The following SORT1 variants were observed in gnomAD, a reference collection of about 807,000 sequenced individuals.
The protein encoded by SORT1 is sortilin 1.
SORT1 carries 39 observed loss-of-function variants against 101.7 expected under a neutral mutation model. The observed-to-expected ratio is 0.38, with a 90% CI of 0.30 to 0.50. SORT1 has a LOEUF of 0.50. SORT1 is among the 20% of genes least tolerant of loss of function. The pLI is 0.90. For synonymous variants in SORT1, 396 were observed against 393.7 expected (o/e 1.01, Z -0.07); for missense variants, 878 against 1,040.4 (o/e 0.84, Z 2.15).
chr1:109,393,086 A>C (rs1653006594), intron 1 of SORT1: 2 of 985,296 alleles, frequency 2.0e-6, no homozygotes, highest in African/African-American at 3.5e-5. Context: ...CGAGGTCTTC[A>C]GCGGCAGCTC....
At chr1:109,363,567 AC>A (rs1317281347) in intron 3 of SORT1, among the ~76,000 whole-genome samples, 1 of 152,182 alleles carries the variant, frequency 6.6e-6, no homozygotes, top group Non-Finnish European at 1.5e-5. Flanking sequence ...TGGCCTAAAG[AC>A]AGAAGTATAC....
At chr1:109,371,282 G>A (rs1651468565) in intron 1 of SORT1, among the ~76,000 whole-genome samples, 1 of 152,184 alleles carries the variant, frequency 6.6e-6, no homozygotes, top group South Asian at 2.1e-4. Flanking sequence ...AACTGACATA[G>A]CAGTGTGTCT....
intron 13 of SORT1, among the ~76,000 whole-genome samples, chr1:109,326,051 CTTCT>C (rs1647992634): frequency 6.8e-6 from 1 of 147,720 alleles, no homozygotes; most frequent in African/African-American, 2.5e-5. Context: ...AGAACTTATA[CTTCT>C]TTTTTTTTTT....
chr1:109,395,952 C>A (rs757136392), intron 1 of SORT1, among the ~76,000 whole-genome samples: 36 of 152,120 alleles, frequency 2.4e-4, no homozygotes, highest in Non-Finnish European at 5.0e-4. Flanking sequence ...TAGCTGGGTG[C>A]ATGTACCAGT....
chr1:109,363,738 C>A (rs377511132), intron 3 of SORT1, among the ~76,000 whole-genome samples: 1 of 152,040 alleles, frequency 6.6e-6, no homozygotes, highest in African/African-American at 2.4e-5. Context: ...GATGGTCTAA[C>A]GAATAATATA....
At position 109,312,332 on chromosome 1, in the gene SORT1, C is replaced by T. The variant is rs1278764595; in HGVS notation, c.*1711G>A. 1 of 152,434 alleles carries T rather than the reference C, an allele frequency of 6.6e-6. No homozygotes were observed. Among genetic ancestry groups the T allele is most frequent in the Admixed American group, 6.6e-5 (1 of 15,254 alleles). The allele number at this position is 152,434 out of a possible 1,614,324, so 9.4% of individuals were successfully genotyped here. ...AACCATATTATCTTCACAAAAACTG[C>T]CTCAACTTTATTTTCTAACTGAAGC... is the stretch of plus-strand genomic sequence containing the variant. On this transcript the variant is annotated 3_prime_UTR_variant, in exon 20 of 20. Coordinates refer to ENST00000256637, the MANE Select transcript of SORT1 (RefSeq NM_002959.7).
At chr1:109,323,472 G>A (rs558999766) in intron 14 of SORT1, among the ~76,000 whole-genome samples, 1 of 152,360 alleles carries the variant, frequency 6.6e-6, no homozygotes, top group Admixed American at 6.5e-5. Flanking sequence ...AGTAGGAGCT[G>A]TCAGAGGTAA....
In SORT1 at chr1:109,377,663, G is replaced by T. The variant is rs192954079; in HGVS notation, c.307-8074C>A. On this transcript the variant is annotated intron_variant, in intron 1 of 19. Coordinates refer to ENST00000256637, the MANE Select transcript of SORT1 (RefSeq NM_002959.7). ...ACGTCGAAGTGTTTAGAGGCACTGA[G>T]CAGGGGTAGTCTATATAGAAGAGAA... 4.9e-4 allele frequency among the ~76,000 whole-genome samples: 75 copies of T among 152,314 alleles called. 1 individual carries two copies. The highest frequency in any genetic ancestry group is 1.6e-3 in the Admixed American group (25 of 15,298).
At chr1:109,328,041 A>G (rs900470648) in intron 11 of SORT1, among the ~76,000 whole-genome samples, 4 of 152,200 alleles carry the variant, frequency 2.6e-5, no homozygotes, top group Non-Finnish European at 5.9e-5. Flanking sequence ...TATTAATAGC[A>G]TATGTCAGAA....
At chr1:109,371,857 C>CT (rs1311041298) in intron 1 of SORT1, among the ~76,000 whole-genome samples, 1 of 152,146 alleles carries the variant, frequency 6.6e-6, no homozygotes, top group Non-Finnish European at 1.5e-5. Context: ...TGAAGATTTG[C>CT]TTTTGAAAAT....
At chr1:109,323,652 T>C (rs1647791938) in intron 14 of SORT1, among the ~76,000 whole-genome samples, 1 of 152,238 alleles carries the variant, frequency 6.6e-6, no homozygotes, top group Non-Finnish European at 1.5e-5. Context: ...AAATGCATAT[T>C]GCTGATAAAC....
At chr1:109,314,211 T>G in intron 19 of SORT1, 50 bp downstream of exon 19, 1 of 1,156,900 alleles carries the variant, frequency 8.6e-7, no homozygotes, top group Non-Finnish European at 1.2e-6. Flanking sequence ...TTTATTTTCT[T>G]GTATTTTTTG....
chr1:109,354,649 A>T (rs1056587161), intron 4 of SORT1, 118 bp from the exon 5 acceptor site: 35 of 761,806 alleles, frequency 4.6e-5, no homozygotes, highest in Admixed American at 4.0e-4. Flanking sequence ...AAATAAGAAG[A>T]GTTATAAAAA....
Position 109,324,963 on chromosome 1 carries a change from T to G in SORT1, c.1770A>C (p.Glu590Asp). The G allele has an allele frequency of 4.3e-6, 7 of 1,613,896 alleles. No homozygotes were observed. Among genetic ancestry groups the G allele is most frequent in the Non-Finnish European group, 5.9e-6 (7 of 1,179,832 alleles). ...SMNISIWGFT[E>D]SFLTSQWVSY... ...AGACCCACTGGCTGGTCAGGAAAGATTCTGTGAAGCCCCAAATGCTGATAT... is the reference window on the plus strand; with the variant it reads ...AGACCCACTGGCTGGTCAGGAAAGAGTCTGTGAAGCCCCAAATGCTGATAT... Residue 590 changes from glutamate (E) to aspartate (D), a missense_variant, in exon 14 of 20, where the codon GAA (glutamate) becomes GAC (aspartate). By Grantham distance (45) the Glu-to-Asp change is conservative. Around this residue, in one of 2 missense-constraint regions of SORT1, gnomAD observed 684 missense variants for 894.5 expected, o/e 0.76. Transcript: ENST00000256637.
rs1316593913 is a variant in SORT1 at position 109,309,896 on chromosome 1, G to A, written c.*4147C>T. On this transcript the variant is annotated 3_prime_UTR_variant, in exon 20 of 20. Coordinates refer to ENST00000256637, the MANE Select transcript of SORT1 (RefSeq NM_002959.7). ...GGAAGGCAGCTGTCCCACAGCCTGGGGAAGGACCACATGCTCAGAAAGGGA... is the reference window on the plus strand; with the variant it reads ...GGAAGGCAGCTGTCCCACAGCCTGGAGAAGGACCACATGCTCAGAAAGGGA... 1 of 152,624 alleles carries A rather than the reference G, an allele frequency of 6.6e-6. No individual in the cohort carries two copies. Among genetic ancestry groups the A allele is most frequent in the East Asian group, 1.9e-4 (1 of 5,190 alleles). 9.5% of individuals were successfully genotyped at this position (152,624 alleles called of 1,614,324 possible).
rs189860097 is a variant in SORT1, at chr1:109,359,734, A to T, written c.441-4265T>A. 2.6e-5 allele frequency among the ~76,000 whole-genome samples: 4 copies of T among 152,290 alleles called. No individual in the cohort carries two copies. In the East Asian group the frequency reaches 7.7e-4, roughly 29 times the overall value. The stretch of plus-strand genomic sequence containing the variant: ...AGGCTGGTCTCGAACTCCTGACCTC[A>T]GGTAATCTTCCCACATCTGCCTCCC... On this transcript the variant is annotated intron_variant, in intron 3 of 19. Transcript: ENST00000256637.
chr1:109,326,915 T>C (rs1648116854), intron 13 of SORT1, 77 bp downstream of exon 13: 3 of 1,109,780 alleles, frequency 2.7e-6, no homozygotes, highest in South Asian at 2.1e-5. Flanking sequence ...GTCTGTAACA[T>C]CCCCCCAATA....
In SORT1 at chr1:109,313,204, C is replaced by G. The variant is rs540182761; in HGVS notation, c.*839G>C. On this transcript the variant is annotated 3_prime_UTR_variant, in exon 20 of 20. Coordinates refer to ENST00000256637, the MANE Select transcript of SORT1 (RefSeq NM_002959.7). ...CAGCTAAGTTTGTACCCTGTCCTTG[C>G]GTAAGTCTACTGGCACACACACAAA... The G allele has an allele frequency of 6.6e-6, 1 of 152,550 alleles. No individual in the cohort carries two copies. The highest frequency in any genetic ancestry group is 2.4e-5 in the African/African-American group (1 of 41,438). The allele number at this position is 152,550 out of a possible 1,614,324, so 9.4% of individuals were successfully genotyped here.
At chr1:109,357,549 A>C (rs903476142) in intron 3 of SORT1, among the ~76,000 whole-genome samples, 2 of 152,220 alleles carry the variant, frequency 1.3e-5, no homozygotes, top group African/African-American at 4.8e-5. Flanking sequence ...TTAGCCCTAA[A>C]CTGGAGATAA....
Sources: allele counts gnomAD v4.1 joint callset (sites outside exome capture counted in the v4.1 genomes callset), GRCh38; gene constraint gnomAD v4.1.1; regional missense constraint gnomAD v4.1.1; transcripts MANE v1.5; gene names NCBI Gene and HGNC (gene_info 2026-07-23, HGNC 2026-07-21).